The following DBT variants were observed in gnomAD, a reference collection of about 807,000 sequenced individuals.
DBT encodes lipoamide acyltransferase component of branched-chain alpha-keto acid dehydrogenase complex, mitochondrial.
DBT carries 40 observed loss-of-function variants against 51.3 expected under a neutral mutation model. That is an observed-to-expected ratio of 0.78 (90% CI 0.61 to 1.02). The LOEUF (loss-of-function observed/expected upper bound fraction) is 1.02. DBT is among the 50% of genes least tolerant of loss of function. The pLI is 0.00. For missense variants in DBT, 510 were observed against 580.2 expected, an observed-to-expected ratio of 0.88 and a Z score of 1.24; for synonymous variants, 181 against 190.4, an observed-to-expected ratio of 0.95 and a Z score of 0.41.
rs771945254 is a variant in DBT at position 100,240,765 on chromosome 1, AGTT to A, written c.168_170del (p.Thr57del). On this transcript the variant is annotated inframe_deletion, in exon 2 of 11. Transcript: ENST00000370132. ...TTATTTTGAAATCATACTTACCAGC[AGTT>A]GTTTTCAGGAAGTGATGTGGATGAC... 6.9e-6 allele frequency: 11 copies of A among 1,596,890 alleles called. No individual in the cohort carries two copies. The East Asian group carries it at 2.2e-4, about 32-fold the overall frequency.
chr1:100,209,550 C>CT (rs1285916541), intron 8 of DBT, among the ~76,000 whole-genome samples: 6 of 151,728 alleles, frequency 4.0e-5, no homozygotes, highest in Admixed American at 3.3e-4. Flanking sequence ...CATGTCTTTT[C>CT]TTTTTTTTCT....
intron 8 of DBT, among the ~76,000 whole-genome samples, chr1:100,208,278 C>T (rs1399077961): frequency 6.6e-6 from 1 of 152,110 alleles, no homozygotes; most frequent in African/African-American, 2.4e-5. Flanking sequence ...GAGTCCTGTC[C>T]TCAAGATATC....
intron 8 of DBT, among the ~76,000 whole-genome samples, chr1:100,207,842 A>C (rs1475723464): frequency 2.0e-5 from 3 of 152,098 alleles, no homozygotes; most frequent in Non-Finnish European, 4.4e-5. Flanking sequence ...GAAAAAAAAA[A>C]AACTTTGTGG....
At chr1:100,224,891 T>G (rs1014101160) in intron 4 of DBT, among the ~76,000 whole-genome samples, 1 of 150,968 alleles carries the variant, frequency 6.6e-6, no homozygotes, top group Admixed American at 6.6e-5. Context: ...GGTGCACGCC[T>G]GCCTGTAATC....
At chr1:100,242,396 A>AT (rs1035147559) in intron 1 of DBT, among the ~76,000 whole-genome samples, 1 of 152,122 alleles carries the variant, frequency 6.6e-6, no homozygotes, top group Non-Finnish European at 1.5e-5. Context: ...TTAAATTCTT[A>AT]TTTTTTTACT....
intron 6 of DBT, among the ~76,000 whole-genome samples, 199 bp downstream of exon 6, chr1:100,215,784 T>G (rs1662438396): frequency 6.6e-6 from 1 of 152,000 alleles, no homozygotes. Context: ...ATCGTGCCAC[T>G]GCACTACAGT....
At position 100,195,203 on chromosome 1, in the gene DBT, AAAG is replaced by A. The variant is rs1316014810; in HGVS notation, c.*1049_*1051del. 6.6e-6 allele frequency: 1 copy of A among 152,642 alleles called. No individual in the cohort carries two copies. Among genetic ancestry groups the A allele is most frequent in the Non-Finnish European group, 1.5e-5 (1 of 68,028 alleles). 9.5% of individuals were successfully genotyped at this position (152,642 alleles called of 1,614,324 possible). On this transcript the variant is annotated 3_prime_UTR_variant, in exon 11 of 11. Coordinates refer to ENST00000370132, the MANE Select transcript of DBT (RefSeq NM_001918.5). The stretch of plus-strand genomic sequence containing the variant: ...TAGACTTCTCAAATTTTTTTTAAAA[AAAG>A]AAATGTCAGTGGCTGCTACATTTAA...
chr1:100,214,760 GACAA>G (rs1662382501), intron 7 of DBT, 53 bp downstream of exon 7: 15 of 1,577,314 alleles, frequency 9.5e-6, no homozygotes, highest in South Asian at 4.5e-5. Flanking sequence ...GTCTCAAAAA[GACAA>G]ACAAACAAAT....
At chr1:100,234,336 T>C (rs577537528) in intron 3 of DBT, among the ~76,000 whole-genome samples, 30 of 152,104 alleles carry the variant, frequency 2.0e-4, no homozygotes, top group Non-Finnish European at 4.0e-4. Flanking sequence ...CAAATGGTTT[T>C]TTAAAACAAT....
chr1:100,199,657 G>A (rs1661320322), intron 10 of DBT, among the ~76,000 whole-genome samples: 1 of 152,180 alleles, frequency 6.6e-6, no homozygotes, highest in South Asian at 2.1e-4. Context: ...TGAGACCAAG[G>A]CAGAAGGCAG....
In DBT at chr1:100,192,058, C is replaced by T. The variant is rs1660838605; in HGVS notation, c.*4197G>A. On this transcript the variant is annotated 3_prime_UTR_variant, in exon 11 of 11. Coordinates refer to ENST00000370132, the MANE Select transcript of DBT (RefSeq NM_001918.5). Reference sequence around the variant, plus strand: ...AAGAGGCCCACCCATTTAGGCCTCCCAAAGTGCTGGGATTATAGGCATGAG... The same window carrying T: ...AAGAGGCCCACCCATTTAGGCCTCCTAAAGTGCTGGGATTATAGGCATGAG... 1 of 152,120 alleles carries T rather than the reference C, an allele frequency of 6.6e-6. No homozygotes were observed. The highest frequency in any genetic ancestry group is 1.5e-5 in the Non-Finnish European group (1 of 68,060). The allele number at this position is 152,120 out of a possible 1,614,324, so 9.4% of individuals were successfully genotyped here.
chr1:100,242,190 AAC>A (rs1452574637), intron 1 of DBT, among the ~76,000 whole-genome samples: 2 of 152,120 alleles, frequency 1.3e-5, no homozygotes, highest in African/African-American at 4.8e-5. Context: ...TCATGTATGT[AAC>A]AGAGTCACTT....
At chr1:100,244,985 T>C (rs1664459203) in intron 1 of DBT, among the ~76,000 whole-genome samples, 1 of 152,080 alleles carries the variant, frequency 6.6e-6, no homozygotes, top group Non-Finnish European at 1.5e-5. Flanking sequence ...ATGATTAATA[T>C]AATAGTAATT....
rs1019503946 is a variant in DBT at position 100,190,273 on chromosome 1, G to A, written c.*5982C>T. ...TGTGGTGCCATCTTCAACCTTGAAGGGTGCATGTTGGAGGGGAAGAGATAG... is the reference window on the plus strand; with the variant it reads ...TGTGGTGCCATCTTCAACCTTGAAGAGTGCATGTTGGAGGGGAAGAGATAG... On this transcript the variant is annotated 3_prime_UTR_variant, in exon 11 of 11. Coordinates refer to ENST00000370132, the MANE Select transcript of DBT (RefSeq NM_001918.5). The A allele has an allele frequency of 2.0e-5, 3 of 152,216 alleles. No homozygotes were observed. The highest frequency in any genetic ancestry group is 4.4e-5 in the Non-Finnish European group (3 of 68,046). The allele number at this position is 152,216 out of a possible 1,614,324, so 9.4% of individuals were successfully genotyped here.
chr1:100,202,210 G>A (rs1289373576), intron 10 of DBT, among the ~76,000 whole-genome samples: 1 of 151,904 alleles, frequency 6.6e-6, no homozygotes, highest in Non-Finnish European at 1.5e-5. Context: ...GATGGAGGAA[G>A]ATTTACCAAG....
Position 100,206,478 on chromosome 1 carries a change from T to G in DBT, c.1176A>C (p.Thr392=), listed in dbSNP as rs752916588. 7 of 1,613,902 alleles carry G rather than the reference T, an allele frequency of 4.3e-6. No individual in the cohort carries two copies. Residue 392 remains threonine, a synonymous_variant, in exon 9 of 11, where the codon ACA becomes ACC. Coordinates refer to ENST00000370132, the MANE Select transcript of DBT (RefSeq NM_001918.5). ...TGTTGGAAAGAGTAAATGTTCCTCCTGTAAGATCAGTGGTGCTGAGCTGAC... is the reference window on the plus strand; with the variant it reads ...TGTTGGAAAGAGTAAATGTTCCTCCGGTAAGATCAGTGGTGCTGAGCTGAC... ...SVSQLSTTDL[T]GGTFTLSNIG...
chr1:100,218,621 C>T lies in DBT; in HGVS notation c.555+5G>A, dbSNP rs561811913. On this transcript the variant is annotated splice_donor_5th_base_variant and intron_variant, in intron 5 of 10. Transcript: ENST00000370132. ...ATCTCAGACTTAAATATTAAGAGAA[C>T]TTACATTGTTTTCCATTGCCAGACG... The T allele has an allele frequency of 6.8e-6, 11 of 1,613,542 alleles. No homozygotes were observed. The highest frequency in any genetic ancestry group is 1.7e-5 in the Admixed American group (1 of 59,990).
chr1:100,191,719 G>A lies in DBT; in HGVS notation c.*4536C>T, dbSNP rs545408698. ...ACCAAGAAAGACAAAAGGTCTCCTG[G>A]GGGTGTGTGTATATATATGTGTGTG... On this transcript the variant is annotated 3_prime_UTR_variant, in exon 11 of 11. Coordinates refer to ENST00000370132, the MANE Select transcript of DBT (RefSeq NM_001918.5). The A allele has an allele frequency of 1.3e-5, 2 of 151,392 alleles. No homozygotes were observed. The highest frequency in any genetic ancestry group is 4.9e-5 in the African/African-American group (2 of 41,178). 9.4% of individuals were successfully genotyped at this position (151,392 alleles called of 1,614,324 possible).
chr1:100,211,155 A>C (rs1662111951), intron 7 of DBT: 2 of 778,036 alleles, frequency 2.6e-6, no homozygotes, highest in Non-Finnish European at 4.8e-6. Context: ...AAAGCAGGTA[A>C]GCTATTTCTC....
Sources: allele counts gnomAD v4.1 joint callset (sites outside exome capture counted in the v4.1 genomes callset), GRCh38; gene constraint gnomAD v4.1.1; transcripts MANE v1.5; gene names NCBI Gene and HGNC (gene_info 2026-07-23, HGNC 2026-07-21).